CPXM2: variants seen among roughly 807,000 people sequenced by gnomAD.
The protein encoded by CPXM2 is carboxypeptidase X, M14 family member 2.
Under a neutral mutation model 86.1 loss-of-function variants are expected in CPXM2, and 66 were observed. The ratio of observed to expected loss-of-function variants is 0.77; its 90% CI spans 0.63 to 0.94. The LOEUF (loss-of-function observed/expected upper bound fraction) is 0.94. CPXM2 is among the 40% of genes least tolerant of loss of function. The probability of loss-of-function intolerance (pLI) is 0.00; values close to 1 mark genes in which losing one functional copy is unlikely to be tolerated. For missense variants in CPXM2, 948 were observed against 1,026.3 expected (o/e 0.92, Z 1.04); for synonymous variants, 388 against 400.2 (o/e 0.97, Z 0.36).
chr10:123,825,777 C>T (rs540421370), intron 4 of CPXM2, among the ~76,000 whole-genome samples: 1 of 152,256 alleles, frequency 6.6e-6, no homozygotes, highest in South Asian at 2.1e-4. Context: ...ATTATTGTCA[C>T]TTTTAGTAGT....
At chr10:123,816,419 T>C (rs1847815751) in intron 4 of CPXM2, among the ~76,000 whole-genome samples, 2 of 152,292 alleles carry the variant, frequency 1.3e-5, no homozygotes, top group South Asian at 4.1e-4. Flanking sequence ...TCAAAAACAG[T>C]ATCGCATTCC....
chr10:123,881,232 T>C (rs113155418), intron 1 of CPXM2, among the ~76,000 whole-genome samples: 5,727 of 53,954 alleles, frequency 0.11, 1,218 homozygotes, highest in African/African-American at 0.17. Context: ...AGCACCCTTC[T>C]CTTCCCTTCC....
intron 2 of CPXM2, among the ~76,000 whole-genome samples, chr10:123,907,694 C>G (rs573514263): frequency 0.014 from 875 of 62,230 alleles, 9 homozygotes; most frequent in African/African-American, 0.036. Context: ...TGCCCCCCCT[C>G]CCACAAGTTC....
At chr10:123,925,891 T>A (rs1017522897) in intron 2 of CPXM2, among the ~76,000 whole-genome samples, 4 of 152,256 alleles carry the variant, frequency 2.6e-5, no homozygotes, top group African/African-American at 4.8e-5. Context: ...TAATTTAACA[T>A]GTCAAAAATT....
rs1945164293 is a variant in CPXM2 at position 123,885,350 on chromosome 10, T to G, written c.305-5041A>C. Among the ~76,000 whole-genome samples the G allele has an allele frequency of 6.6e-6, 1 of 152,168 alleles. No individual in the cohort carries two copies. The highest frequency in any genetic ancestry group is 2.4e-5 in the African/African-American group (1 of 41,436). ...CACCTCCTCCAAAAGCTCGGGTTAT[T>G]AATTGTTCCCATGCCATCGTGAGGA... On this transcript the variant is annotated intron_variant, in intron 1 of 13. Transcript: ENST00000241305. This position sits in a 1 kb window ranked among gnomAD's most constrained non-coding sequence, Gnocchi z 4.0.
intron 1 of CPXM2, among the ~76,000 whole-genome samples, chr10:123,890,504 G>T (rs1945249260): frequency 6.6e-6 from 1 of 152,240 alleles, no homozygotes; most frequent in Non-Finnish European, 1.5e-5. Context: ...TTTCAGGAAA[G>T]GCCATTGCGA....
Position 123,882,154 on chromosome 10 carries a change from G to A in CPXM2, c.305-1845C>T, listed in dbSNP as rs567270679. ...AAATTCAAGGGGCACATTGGGCCAA[G>A]CCAAAGGAAACCCCCCTTTTTGTTA... is the stretch of plus-strand genomic sequence containing the variant. On this transcript the variant is annotated intron_variant, in intron 1 of 13. Transcript: ENST00000241305. 1.6e-3 allele frequency among the ~76,000 whole-genome samples: 247 copies of A among 152,360 alleles called. 1 individual carries two copies. The highest frequency in any genetic ancestry group is 3.3e-3 in the South Asian group (16 of 4,828).
chr10:123,791,203 C>T (rs187383734), intron 6 of CPXM2, among the ~76,000 whole-genome samples: 10 of 152,230 alleles, frequency 6.6e-5, no homozygotes, highest in African/African-American at 2.4e-4. Context: ...CATCTGAGGT[C>T]GGGGGTTCGA....
At chr10:123,909,183 G>A (rs903265676) in intron 2 of CPXM2, among the ~76,000 whole-genome samples, 16 of 151,784 alleles carry the variant, frequency 1.1e-4, no homozygotes, top group Admixed American at 7.2e-4. Flanking sequence ...CGTGTAGCTC[G>A]GGACACGGGC....
chr10:123,929,028 T>C (rs1286544738), intron 2 of CPXM2, among the ~76,000 whole-genome samples: 1 of 152,204 alleles, frequency 6.6e-6, no homozygotes, highest in Non-Finnish European at 1.5e-5. Context: ...CTATAGCTGG[T>C]ACCTCTCCTA....
At chr10:123,823,342 TC>T (rs1393016404) in intron 4 of CPXM2, among the ~76,000 whole-genome samples, 1 of 152,132 alleles carries the variant, frequency 6.6e-6, no homozygotes, top group Non-Finnish European at 1.5e-5. Flanking sequence ...GAGGGATATC[TC>T]AGGAAGAAAA....
chr10:123,930,491 G>T (rs1006877444), intron 2 of CPXM2, among the ~76,000 whole-genome samples: 4 of 152,190 alleles, frequency 2.6e-5, no homozygotes, highest in African/African-American at 9.6e-5. Context: ...GTGAGTGCTG[G>T]TACCTTTGTG....
At chr10:123,770,325 T>C (rs930401170) in intron 8 of CPXM2, among the ~76,000 whole-genome samples, 32 of 152,044 alleles carry the variant, frequency 2.1e-4, no homozygotes, top group African/African-American at 7.5e-4. Flanking sequence ...AAAAACCACT[T>C]CCGGAGAGGA....
At position 123,760,229 on chromosome 10, in the gene CPXM2, C is replaced by T. The variant is rs193291081; in HGVS notation, c.1777+1643G>A. On this transcript the variant is annotated intron_variant, in intron 11 of 13. Coordinates refer to ENST00000241305, the MANE Select transcript of CPXM2 (RefSeq NM_198148.3). ...CAACACTGCGGAATCCAGGTGTGCC[C>T]GTGCCCAATTTAGTCACAGCAGCCA... Among the ~76,000 whole-genome samples, 12 of 152,244 alleles carry T rather than the reference C, an allele frequency of 7.9e-5. No homozygotes were observed. The East Asian group carries it at 1.7e-3, about 22-fold the overall frequency.
chr10:123,746,775 G>A lies in CPXM2; in HGVS notation c.2260C>T (p.Gln754Ter), dbSNP rs780530593. 3.1e-6 allele frequency: 5 copies of A among 1,614,142 alleles called. No homozygotes were observed. The highest frequency in any genetic ancestry group is 2.2e-5 in the East Asian group (1 of 44,878). Residue 754 changes from glutamine (Q) to a stop codon, truncating the protein, a stop_gained, in exon 14 of 14, where the codon CAG becomes TAG. Coordinates refer to ENST00000241305, the MANE Select transcript of CPXM2 (RefSeq NM_198148.3). LOFTEE classifies it high-confidence loss of function. ...RLKLRGQKRR[Q>*]RG ...AGGGCCCAGGAGGGTCACCCACGCTGTCGTCTCTTCTGCCCCCGCAGCTTC... is the reference window on the plus strand; with the variant it reads ...AGGGCCCAGGAGGGTCACCCACGCTATCGTCTCTTCTGCCCCCGCAGCTTC...
intron 4 of CPXM2, among the ~76,000 whole-genome samples, chr10:123,833,355 C>T (rs373402468): frequency 4.6e-5 from 7 of 152,288 alleles, no homozygotes; most frequent in Non-Finnish European, 1.0e-4. Flanking sequence ...CAACAAAATA[C>T]AGATGTGTCA....
chr10:123,759,312 T>C (rs1846282138), intron 11 of CPXM2, among the ~76,000 whole-genome samples: 1 of 152,116 alleles, frequency 6.6e-6, no homozygotes, highest in Non-Finnish European at 1.5e-5. Flanking sequence ...ACAGAGAAAA[T>C]GATTGTCACT....
At chr10:123,876,306 G>C (rs1008752341) in intron 2 of CPXM2, among the ~76,000 whole-genome samples, 7 of 152,194 alleles carry the variant, frequency 4.6e-5, no homozygotes, top group African/African-American at 1.7e-4. Flanking sequence ...ATTGTCAAGT[G>C]CTGCTACCAA....
chr10:123,785,757 C>A (rs200388775), intron 6 of CPXM2, among the ~76,000 whole-genome samples: 2 of 151,882 alleles, frequency 1.3e-5, no homozygotes, highest in African/African-American at 4.8e-5. Context: ...CTCAGCCTCC[C>A]GAGTAGCTGG....
Sources: gnomAD v4.1 joint callset for allele counts (sites outside exome capture counted in the v4.1 genomes callset) on GRCh38, gnomAD v4.1.1 for gene constraint, Gnocchi (gnomAD v3.1) non-coding constraint, MANE v1.5 for transcripts, NCBI Gene and HGNC (gene_info 2026-07-23, HGNC 2026-07-21) for gene names.